NEO1: variants seen among roughly 807,000 people sequenced by gnomAD.
The protein encoded by NEO1 is neogenin 1, also known as neogenin.
A neutral mutation model predicts 159.7 loss-of-function variants in NEO1; 63 were observed. The ratio of observed to expected loss-of-function variants is 0.39; its 90% CI spans 0.32 to 0.49. The LOEUF (loss-of-function observed/expected upper bound fraction) is 0.49. Ranked by LOEUF, NEO1 falls within the 20% of genes least tolerant of loss-of-function variation. The pLI is 0.85. For missense variants in NEO1, 1,615 were observed against 1,831.0 expected (o/e 0.88, Z 2.15); for synonymous variants, 633 against 662.0 (o/e 0.96, Z 0.67).
intron 1 of NEO1, among the ~76,000 whole-genome samples, chr15:73,065,438 C>G (rs1397298713): frequency 6.6e-6 from 1 of 151,854 alleles, no homozygotes; most frequent in Non-Finnish European, 1.5e-5. Context: ...TTGTATTTCA[C>G]CTTCATTTTT....
chr15:73,094,149 C>G (rs1423840802), intron 1 of NEO1, among the ~76,000 whole-genome samples: 1 of 152,120 alleles, frequency 6.6e-6, no homozygotes, highest in Non-Finnish European at 1.5e-5. Flanking sequence ...GATATATTCA[C>G]AGATGTGCAG....
rs766871777 is a variant in NEO1 at position 73,293,505 on chromosome 15, C to T, written c.3858C>T (p.Pro1286=). ...TCTACCACCCGGGCAGCCCATGGCCCATTGGCACATCCATGTCCCTTTCAG... is the reference window on the plus strand; with the variant it reads ...TCTACCACCCGGGCAGCCCATGGCCTATTGGCACATCCATGTCCCTTTCAG... The part of the protein sequence containing the change: ...SHLYHPGSPW[P]IGTSMSLSDR... The change falls in exon 26 of 29, where the codon CCC becomes CCT. Residue 1286 remains proline (P), a synonymous_variant. Coordinates refer to ENST00000261908, the MANE Select transcript of NEO1 (RefSeq NM_002499.4). 12 of 1,614,204 alleles carry T rather than the reference C, an allele frequency of 7.4e-6. No individual in the cohort carries two copies. In the Admixed American group the frequency reaches 2.0e-4, roughly 27 times the overall value.
intron 1 of NEO1, among the ~76,000 whole-genome samples, chr15:73,055,948 C>T (rs1445908290): frequency 6.6e-6 from 1 of 152,198 alleles, no homozygotes; most frequent in Admixed American, 6.5e-5. Context: ...TCATCCCCAC[C>T]TGGACTAACA....
chr15:73,184,697 G>A (rs2151983561), intron 7 of NEO1, among the ~76,000 whole-genome samples: 1 of 152,356 alleles, frequency 6.6e-6, no homozygotes, highest in Admixed American at 6.5e-5. Flanking sequence ...GGAGGTGGAG[G>A]TGGGCAGATC....
intron 1 of NEO1, among the ~76,000 whole-genome samples, chr15:73,084,614 T>G (rs963634078): frequency 2.6e-5 from 4 of 152,154 alleles, no homozygotes; most frequent in Non-Finnish European, 5.9e-5. Flanking sequence ...AGTATGGAGG[T>G]GAAGATATCT....
chr15:73,224,036 CTG>C (rs2038438237), intron 7 of NEO1, among the ~76,000 whole-genome samples: 1 of 152,158 alleles, frequency 6.6e-6, no homozygotes, highest in Non-Finnish European at 1.5e-5. Context: ...CTGGAAAAGA[CTG>C]TATCTTTCCT....
At chr15:73,057,781 G>A (rs1479456652) in intron 1 of NEO1, among the ~76,000 whole-genome samples, 1 of 152,022 alleles carries the variant, frequency 6.6e-6, no homozygotes, top group Non-Finnish European at 1.5e-5. Flanking sequence ...TAATCATGGT[G>A]TATGTATAAC....
chr15:73,153,944 C>T (rs1441855234), intron 5 of NEO1, among the ~76,000 whole-genome samples: 3 of 151,976 alleles, frequency 2.0e-5, no homozygotes, highest in Admixed American at 2.0e-4. Flanking sequence ...TTTGACTTGC[C>T]AAGAAATTTA....
Position 73,135,863 on chromosome 15 carries a change from C to CTTTT in NEO1, c.879-11_879-8dup, listed in dbSNP as rs376822156. 4.9e-5 allele frequency: 63 copies of CTTTT among 1,293,474 alleles called. No homozygotes were observed. In the African/African-American group the frequency reaches 8.3e-4, roughly 17 times the overall value. 80.1% of individuals were successfully genotyped at this position (1,293,474 alleles called of 1,614,324 possible). A position where few individuals can be genotyped will look rare whatever the true frequency, so the allele number is the denominator to read the frequency against. ...TTATTTTCCTAGTACTGAAATGTAT[C>CTTTT]TTTTTTTTTTTTTTTTTTTTAACAC... On this transcript the variant is annotated intron_variant, in intron 4 of 28. Coordinates refer to ENST00000261908, the MANE Select transcript of NEO1 (RefSeq NM_002499.4).
chr15:73,059,189 T>C lies in NEO1; in HGVS notation c.130+6384T>C, dbSNP rs900937192. Among the ~76,000 whole-genome samples, 2 of 152,168 alleles carry C rather than the reference T, an allele frequency of 1.3e-5. 1 individual carries two copies. Among genetic ancestry groups the C allele is most frequent in the Non-Finnish European group, 2.9e-5 (2 of 68,018 alleles). On this transcript the variant is annotated intron_variant, in intron 1 of 28. Transcript: ENST00000261908. ...GAGTAAATTGACCAGGTTACAGAGC[T>C]GGCTTATGTAAACAGGTTTTGATTC...
At chr15:73,157,752 A>G (rs2033884652) in intron 5 of NEO1, among the ~76,000 whole-genome samples, 1 of 152,228 alleles carries the variant, frequency 6.6e-6, no homozygotes, top group South Asian at 2.1e-4. Context: ...TATGCTGGAA[A>G]TGCTTCTACT....
chr15:73,240,462 G>A (rs779697527), intron 8 of NEO1, among the ~76,000 whole-genome samples: 22 of 152,220 alleles, frequency 1.4e-4, no homozygotes, highest in Non-Finnish European at 2.4e-4. Context: ...GGCCAAACTG[G>A]CCCAGAGCTT....
At chr15:73,061,127 G>A (rs2067956518) in intron 1 of NEO1, among the ~76,000 whole-genome samples, 1 of 152,182 alleles carries the variant, frequency 6.6e-6, no homozygotes, top group African/African-American at 2.4e-5. Flanking sequence ...CTAACAAACA[G>A]TATAATCTAA....
intron 1 of NEO1, among the ~76,000 whole-genome samples, chr15:73,096,726 T>C (rs528033117): frequency 6.6e-6 from 1 of 152,162 alleles, no homozygotes; most frequent in South Asian, 2.1e-4. Flanking sequence ...AGAGTTTTGA[T>C]GGGAAATCAT....
chr15:73,212,568 T>C (rs1174710711), intron 7 of NEO1, among the ~76,000 whole-genome samples: 1 of 152,152 alleles, frequency 6.6e-6, no homozygotes, highest in Non-Finnish European at 1.5e-5. Context: ...AAGCTAAAAA[T>C]AGCTTTTTCA....
intron 1 of NEO1, among the ~76,000 whole-genome samples, chr15:73,096,051 C>T (rs2070011267): frequency 6.6e-6 from 1 of 152,002 alleles, no homozygotes; most frequent in African/African-American, 2.4e-5. Context: ...GGACAGTGCC[C>T]CCAAAGAATT....
chr15:73,169,643 C>CCT (rs2034819239), intron 5 of NEO1, among the ~76,000 whole-genome samples: 1 of 105,246 alleles, frequency 9.5e-6, no homozygotes, highest in Admixed American at 1.1e-4. Context: ...CTCCCCCCTC[C>CCT]TTTTTTTTTT....
chr15:73,093,102 T>G (rs1385466802), intron 1 of NEO1, among the ~76,000 whole-genome samples: 1 of 152,198 alleles, frequency 6.6e-6, no homozygotes, highest in Non-Finnish European at 1.5e-5. Flanking sequence ...TGTTTCTCTG[T>G]TAGGATTTGT....
chr15:73,295,102 G>T lies in NEO1; in HGVS notation c.3901+1554G>T, dbSNP rs2042304829. ...GTGACCAGCCTGGGCAACAAGGCAA[G>T]ATCCCGTCTCTACTAAATATTAAAT... is the stretch of plus-strand genomic sequence containing the variant. On this transcript the variant is annotated intron_variant, in intron 26 of 28. Transcript: ENST00000261908. 4.1e-5 allele frequency among the ~76,000 whole-genome samples: 5 copies of T among 120,888 alleles called. No homozygotes were observed. The Admixed American group carries it at 4.6e-4, about 11-fold the overall frequency. 79.3% of individuals were successfully genotyped at this position (120,888 alleles called of 152,430 possible). A position where few individuals can be genotyped will look rare whatever the true frequency, so the allele number is the denominator to read the frequency against.
Sources: allele counts gnomAD v4.1 joint callset (sites outside exome capture counted in the v4.1 genomes callset), GRCh38; gene constraint gnomAD v4.1.1; transcripts MANE v1.5; gene names NCBI Gene and HGNC (gene_info 2026-07-23, HGNC 2026-07-21).